The following LRP1B variants were observed in gnomAD, a reference collection of about 807,000 sequenced individuals.
The protein encoded by LRP1B is low-density lipoprotein receptor-related protein 1B.
In LRP1B, 217 loss-of-function variants were observed where a neutral mutation model predicts 556.6. The observed-to-expected ratio is 0.39, with a 90% CI of 0.35 to 0.44. The LOEUF is 0.44. Ranked by LOEUF, LRP1B falls within the 20% of genes least tolerant of loss-of-function variation. The probability of loss-of-function intolerance (pLI) is 1.00; values close to 1 mark genes in which losing one functional copy is unlikely to be tolerated. For missense variants in LRP1B, 5,053 were observed against 5,620.8 expected (o/e 0.90, Z 3.23); for synonymous variants, 2,047 against 1,865.8 (o/e 1.10, Z -2.50).
intron 31 of LRP1B, among the ~76,000 whole-genome samples, chr2:140,827,685 G>A (rs1253223681): frequency 6.6e-6 from 1 of 151,998 alleles, no homozygotes; most frequent in Non-Finnish European, 1.5e-5. Context: ...GAAAGAGCAA[G>A]GGGGTAGAAA....
chr2:140,585,796 A>T (rs965997744), intron 43 of LRP1B, among the ~76,000 whole-genome samples: 1 of 152,196 alleles, frequency 6.6e-6, no homozygotes, highest in Non-Finnish European at 1.5e-5. Context: ...AAAGACAATA[A>T]AATTTAGACA....
intron 66 of LRP1B, among the ~76,000 whole-genome samples, chr2:140,405,586 A>G (rs1044662347): frequency 1.3e-5 from 2 of 152,194 alleles, no homozygotes; most frequent in African/African-American, 4.8e-5. Flanking sequence ...ATGCATAGAA[A>G]CTAGAAAATC....
chr2:140,287,719 T>G lies in LRP1B; in HGVS notation c.12967+10089A>C, dbSNP rs1683205604. ...CTAGCACTATTACAGACTAAGTGGC[T>G]TCCTATTCCCATGGTGCTCTGTACT... On this transcript the variant is annotated intron_variant, in intron 84 of 90. Coordinates refer to ENST00000389484, the MANE Select transcript of LRP1B (RefSeq NM_018557.3). 2.0e-5 allele frequency among the ~76,000 whole-genome samples: 3 copies of G among 151,742 alleles called. No individual in the cohort carries two copies. The South Asian group carries it at 6.2e-4, about 31-fold the overall frequency.
intron 18 of LRP1B, among the ~76,000 whole-genome samples, chr2:140,959,662 A>G (rs1695976072): frequency 6.6e-6 from 1 of 151,764 alleles, no homozygotes. Context: ...AACTCAAAAT[A>G]CATGTGAAGT....
intron 1 of LRP1B, among the ~76,000 whole-genome samples, chr2:141,971,558 G>A (rs781136124): frequency 9.9e-5 from 15 of 151,068 alleles, no homozygotes; most frequent in Admixed American, 2.7e-4. Flanking sequence ...TAGTAATTAC[G>A]TACGGGCATC....
At chr2:141,776,156 T>C (rs757389229) in intron 2 of LRP1B, among the ~76,000 whole-genome samples, 1 of 152,198 alleles carries the variant, frequency 6.6e-6, no homozygotes, top group Admixed American at 6.5e-5. Context: ...AGTTTTCCTA[T>C]ATTTTTGCCT....
At chr2:141,147,565 C>A (rs1461044808) in intron 7 of LRP1B, among the ~76,000 whole-genome samples, 1 of 152,072 alleles carries the variant, frequency 6.6e-6, no homozygotes, top group Non-Finnish European at 1.5e-5. Flanking sequence ...GGCACTCCTG[C>A]TAATTTCAGC....
rs1574472015 is a variant in LRP1B, at chr2:141,895,544, T to C, written c.83-85143A>G. ...AATGTGTTCCTGAATAGCAGAACAT[T>C]AGTGAGGACTGGAGGAAAGGAAATT... On this transcript the variant is annotated intron_variant, in intron 1 of 90. Coordinates refer to ENST00000389484, the MANE Select transcript of LRP1B (RefSeq NM_018557.3). Among the ~76,000 whole-genome samples, 6 of 152,324 alleles carry C rather than the reference T, an allele frequency of 3.9e-5. No homozygotes were observed. In the Middle Eastern group the frequency reaches 0.017, roughly 432 times the overall value.
chr2:141,544,319 C>CTTCTTCTTCTTTTCTTCTTCT (rs1168523856), intron 2 of LRP1B, among the ~76,000 whole-genome samples: 1 of 42,946 alleles, frequency 2.3e-5, no homozygotes, highest in Admixed American at 2.8e-4. Context: ...TCTTCTTCTT[C>CTTCTTCTTCTTTTCTTCTTCT]TTCTTCTTCT....
At chr2:140,856,577 T>C (rs1559159002) in intron 27 of LRP1B, among the ~76,000 whole-genome samples, 1 of 152,216 alleles carries the variant, frequency 6.6e-6, no homozygotes, top group East Asian at 1.9e-4. Context: ...ACTCTGCTAC[T>C]ATAACACAAA....
intron 1 of LRP1B, among the ~76,000 whole-genome samples, chr2:141,864,734 T>C (rs768156696): frequency 4.0e-5 from 6 of 151,724 alleles, no homozygotes; most frequent in Non-Finnish European, 7.4e-5. Flanking sequence ...ATACAAAAAA[T>C]ATCTGGGCGT....
Position 141,174,949 on chromosome 2 carries a change from C to T in LRP1B, c.1013+13472G>A, listed in dbSNP as rs371826994. Among the ~76,000 whole-genome samples the T allele has an allele frequency of 2.6e-4, 39 of 152,230 alleles. 2 individuals are homozygous for T. The South Asian group carries it at 8.1e-3, about 32-fold the overall frequency. ...ATTGAGATTAGGAACTTACTGGGAA[C>T]TAGAGTAAAGATCACTCTTGCTATT... On this transcript the variant is annotated intron_variant, in intron 7 of 90. Transcript: ENST00000389484.
At chr2:140,526,043 A>T in intron 48 of LRP1B, 50 bp from the exon 49 acceptor site, 1 of 1,582,354 alleles carries the variant, frequency 6.3e-7, no homozygotes, top group Non-Finnish European at 8.7e-7. Flanking sequence ...TTCAAAGATT[A>T]TGAGCCTTCT....
chr2:141,314,845 C>CACATATATAT (rs1224862838), intron 3 of LRP1B, among the ~76,000 whole-genome samples: 17 of 113,836 alleles, frequency 1.5e-4, no homozygotes, highest in Non-Finnish European at 2.7e-4. Flanking sequence ...TATATATATA[C>CACATATATAT]ACATATATAT....
chr2:140,594,226 T>C (rs1052744991), intron 43 of LRP1B, among the ~76,000 whole-genome samples: 1 of 152,138 alleles, frequency 6.6e-6, no homozygotes, highest in Non-Finnish European at 1.5e-5. Flanking sequence ...TGCCTCAGCC[T>C]CCCAAAGCTC....
At chr2:141,476,577 T>C (rs1469142442) in intron 3 of LRP1B, among the ~76,000 whole-genome samples, 2 of 152,224 alleles carry the variant, frequency 1.3e-5, no homozygotes, top group East Asian at 3.8e-4. Flanking sequence ...AAATCCATTA[T>C]TCTTTCTTCA....
At chr2:141,184,233 G>A (rs1558917849) in intron 7 of LRP1B, among the ~76,000 whole-genome samples, 1 of 151,956 alleles carries the variant, frequency 6.6e-6, no homozygotes. Context: ...TTGCATAACA[G>A]CAATTGTTAG....
intron 29 of LRP1B, 85 bp downstream of exon 29, chr2:140,850,015 TAA>T: frequency 7.0e-6 from 6 of 854,604 alleles, no homozygotes; most frequent in East Asian, 2.5e-5. Flanking sequence ...TAAAGTTGAA[TAA>T]AAGAGAAAGA....
chr2:140,300,559 A>C (rs1318807975), intron 83 of LRP1B, among the ~76,000 whole-genome samples: 1 of 152,282 alleles, frequency 6.6e-6, no homozygotes, highest in Admixed American at 6.5e-5. Context: ...AAAGAACATC[A>C]GTTGACATTA....
Sources: allele counts gnomAD v4.1 joint callset (sites outside exome capture counted in the v4.1 genomes callset), GRCh38; gene constraint gnomAD v4.1.1; transcripts MANE v1.5; gene names NCBI Gene and HGNC (gene_info 2026-07-23, HGNC 2026-07-21).